Variants in MROH9 observed in about 807,000 individuals in gnomAD.
MROH9 encodes the protein maestro heat like repeat family member 9.
In MROH9, 92 loss-of-function variants were observed where a neutral mutation model predicts 98.2. The observed-to-expected ratio is 0.94, with a 90% CI of 0.79 to 1.11. MROH9 has a LOEUF of 1.11. Ranked by LOEUF, MROH9 falls within the 50% of genes most tolerant of loss-of-function variation. The probability of loss-of-function intolerance (pLI) is 0.00; values close to 1 mark genes in which losing one functional copy is unlikely to be tolerated. For missense variants in MROH9, 1,057 were observed against 1,014.8 expected (o/e 1.04, Z -0.57); for synonymous variants, 397 against 368.9 (o/e 1.08, Z -0.87).
At chr1:170,995,199 GAC>G (rs1303127338) in intron 12 of MROH9, among the ~76,000 whole-genome samples, 188 bp from the exon 13 acceptor site, 1 of 152,136 alleles carries the variant, frequency 6.6e-6, no homozygotes, top group Non-Finnish European at 1.5e-5. Flanking sequence ...TAGTAGGCTT[GAC>G]ACAGTTCCTA....
chr1:170,995,548 T>C lies in MROH9; in HGVS notation c.1337+17T>C, dbSNP rs1297621851. ...CAGGGCTTTGTGAGTTAAAACTGGT[T>C]ATTTCAGATTAAATAAGAGATAAGC... is the stretch of plus-strand genomic sequence containing the variant. On this transcript the variant is annotated intron_variant, in intron 13 of 21. Transcript: ENST00000367759. 4 of 1,612,008 alleles carry C rather than the reference T, an allele frequency of 2.5e-6. No individual in the cohort carries two copies. The highest frequency in any genetic ancestry group is 1.3e-5 in the African/African-American group (1 of 74,806).
intron 17 of MROH9, among the ~76,000 whole-genome samples, chr1:171,016,724 G>A (rs2101834629): frequency 6.6e-6 from 1 of 152,198 alleles, no homozygotes; most frequent in East Asian, 1.9e-4. Context: ...AACAGCAATA[G>A]TGACATAAAC....
chr1:171,029,606 G>T (rs1459997822), intron 20 of MROH9, among the ~76,000 whole-genome samples: 1 of 152,102 alleles, frequency 6.6e-6, no homozygotes, highest in Non-Finnish European at 1.5e-5. Flanking sequence ...TTATTGATTT[G>T]CATATGTTGA....
At chr1:170,984,961 T>C (rs1651074628) in intron 9 of MROH9, among the ~76,000 whole-genome samples, 1 of 151,868 alleles carries the variant, frequency 6.6e-6, no homozygotes, top group East Asian at 1.9e-4. Flanking sequence ...AGCAGCAAGG[T>C]TGCTAACCAT....
chr1:171,048,246 G>T (rs1653528571), intron 20 of MROH9, among the ~76,000 whole-genome samples: 1 of 152,152 alleles, frequency 6.6e-6, no homozygotes, highest in African/African-American at 2.4e-5. Flanking sequence ...GAACAGTGAG[G>T]TCCCCCAGGA....
intron 15 of MROH9, among the ~76,000 whole-genome samples, chr1:171,007,564 T>C (rs1652004120): frequency 6.6e-6 from 1 of 152,196 alleles, no homozygotes; most frequent in Non-Finnish European, 1.5e-5. Context: ...CAGGAAGAAC[T>C]GCTCCCAAAC....
At chr1:170,998,020 C>T in intron 14 of MROH9, 134 bp from the exon 15 acceptor site, 1 of 661,846 alleles carries the variant, frequency 1.5e-6, no homozygotes, top group Non-Finnish European at 2.5e-6. Flanking sequence ...CATAGTGGGA[C>T]AATTTATTTA....
At chr1:171,062,925 G>A (rs1446316455) in intron 21 of MROH9, among the ~76,000 whole-genome samples, 1 of 151,680 alleles carries the variant, frequency 6.6e-6, no homozygotes, top group Non-Finnish European at 1.5e-5. Flanking sequence ...CCCCACCAGA[G>A]TAGTACATTT....
intron 8 of MROH9, 96 bp from the exon 9 acceptor site, chr1:170,983,326 C>T (rs1354355287): frequency 3.0e-5 from 24 of 799,340 alleles, no homozygotes; most frequent in Admixed American, 2.6e-4. Flanking sequence ...TTCAGATCTC[C>T]AGAACTGGGC....
At chr1:170,973,259 C>T (rs1280763326) in intron 8 of MROH9, among the ~76,000 whole-genome samples, 2 of 151,994 alleles carry the variant, frequency 1.3e-5, no homozygotes, top group African/African-American at 4.8e-5. Context: ...TAGGAAACAA[C>T]AAAAATGATT....
At chr1:170,939,663 C>T (rs187652096) in intron 1 of MROH9, among the ~76,000 whole-genome samples, 15 of 152,256 alleles carry the variant, frequency 9.9e-5, no homozygotes, top group African/African-American at 3.6e-4. Flanking sequence ...TATATCACTT[C>T]CATTTGATGA....
At chr1:171,001,450 T>C (rs1651778353) in intron 15 of MROH9, among the ~76,000 whole-genome samples, 1 of 152,168 alleles carries the variant, frequency 6.6e-6, no homozygotes, top group African/African-American at 2.4e-5. Context: ...TGTGTCATTA[T>C]TGTAATTCAG....
In MROH9 at chr1:170,949,546, A is replaced by G. The variant is rs148476196; in HGVS notation, c.72+1973A>G. On this transcript the variant is annotated intron_variant, in intron 3 of 21. Transcript: ENST00000367759. ...ACAAAGATACTCCTTATAAGTAATA[A>G]CAGACATCTGAGTTGAAGTGTACAA... 1.1e-3 allele frequency among the ~76,000 whole-genome samples: 174 copies of G among 152,224 alleles called. 1 individual carries two copies. The highest frequency in any genetic ancestry group is 4.0e-3 in the African/African-American group (167 of 41,552).
chr1:171,047,973 T>C (rs996983036), intron 20 of MROH9, among the ~76,000 whole-genome samples: 5 of 152,338 alleles, frequency 3.3e-5, no homozygotes, highest in African/African-American at 9.6e-5. Flanking sequence ...GAAGGGACTC[T>C]TGTTTCTTCC....
intron 14 of MROH9, 29 bp from the exon 15 acceptor site, chr1:170,998,125 C>T (rs779844554): frequency 1.3e-6 from 2 of 1,551,858 alleles, no homozygotes; most frequent in Non-Finnish European, 1.7e-6. Flanking sequence ...TTCTCCTTTG[C>T]TAATTCAGTG....
At chr1:170,970,231 A>T (rs1366018334) in intron 7 of MROH9, among the ~76,000 whole-genome samples, 2 of 152,108 alleles carry the variant, frequency 1.3e-5, no homozygotes, top group Non-Finnish European at 2.9e-5. Context: ...GTAATATAAG[A>T]TGACTGTAAG....
rs141464521 is a variant in MROH9, at chr1:171,016,289, T to G, written c.1861T>G (p.Ser621Ala). The change falls in exon 17 of 22, where the codon TCT (serine) becomes GCT (alanine). Residue 621 changes from serine to alanine, a missense_variant. Coordinates refer to ENST00000367759, the MANE Select transcript of MROH9 (RefSeq NM_001163629.2). The part of the protein sequence containing the change: ...LLNELDKVTY[S>A]LGTRIGSSYC... ...AAACGAACTGGACAAAGTGACCTACTCTTTGGGTACCAGAATTGGTTCCAG... is the reference window on the plus strand; with the variant it reads ...AAACGAACTGGACAAAGTGACCTACGCTTTGGGTACCAGAATTGGTTCCAG... 6.5e-4 allele frequency: 1,006 copies of G among 1,537,982 alleles called. 9 individuals carry two copies. In the African/African-American group the frequency reaches 0.012, roughly 18 times the overall value.
chr1:170,996,490 C>T lies in MROH9; in HGVS notation c.1338-17C>T. ...ATCACCGGCATGTGATGACTTTGCT[C>T]TCTTTTGGGGCTTTAGGTATGCCCA... On this transcript the variant is annotated splice_polypyrimidine_tract_variant and intron_variant, in intron 13 of 21. Transcript: ENST00000367759. 1 of 1,608,814 alleles carries T rather than the reference C, an allele frequency of 6.2e-7. No individual in the cohort carries two copies. Among genetic ancestry groups the T allele is most frequent in the Non-Finnish European group, 8.5e-7 (1 of 1,177,728 alleles).
intron 3 of MROH9, among the ~76,000 whole-genome samples, chr1:170,951,957 C>T (rs1362060387): frequency 1.3e-5 from 2 of 152,030 alleles, no homozygotes; most frequent in Non-Finnish European, 2.9e-5. Flanking sequence ...ACAGACACTT[C>T]TCAAAAGAAG....
Sources: allele counts gnomAD v4.1 joint callset (sites outside exome capture counted in the v4.1 genomes callset), GRCh38; gene constraint gnomAD v4.1.1; transcripts MANE v1.5; gene names NCBI Gene and HGNC (gene_info 2026-07-23, HGNC 2026-07-21).